SIMC1: variants seen among roughly 807,000 people sequenced by gnomAD.
SIMC1 encodes SUMO-interacting motif-containing protein 1.
SIMC1 carries 55 observed loss-of-function variants against 82.3 expected under a neutral mutation model. The observed-to-expected ratio is 0.67, with a 90% CI of 0.54 to 0.84. The LOEUF is 0.84. Among genes scored for constraint, SIMC1 ranks in the 40% least tolerant of loss-of-function variants. The pLI is 0.00. For synonymous variants in SIMC1, 353 were observed against 426.3 expected, an observed-to-expected ratio of 0.83 and a Z score of 2.12; for missense variants, 915 against 1,107.2, an observed-to-expected ratio of 0.83 and a Z score of 2.46.
chr5:176,337,907 G>T (rs1445747811), intron 9 of SIMC1, among the ~76,000 whole-genome samples: 1 of 152,138 alleles, frequency 6.6e-6, no homozygotes, highest in African/African-American at 2.4e-5. Context: ...ACCCTCAGAA[G>T]GTAAATGTTG....
chr5:176,275,039 G>A (rs1245403278), intron 1 of SIMC1, among the ~76,000 whole-genome samples: 1 of 151,638 alleles, frequency 6.6e-6, no homozygotes, highest in East Asian at 1.9e-4. Flanking sequence ...TGATGGGGAT[G>A]GCATTGAATC....
At chr5:176,272,848 G>GTC (rs1373942915) in intron 1 of SIMC1, among the ~76,000 whole-genome samples, 1 of 152,220 alleles carries the variant, frequency 6.6e-6, no homozygotes, top group African/African-American at 2.4e-5. Context: ...TAGCACAGCA[G>GTC]TCTGAGATTG....
chr5:176,318,347 C>T lies in SIMC1; in HGVS notation c.1890-3926C>T, dbSNP rs1561720361. Among the ~76,000 whole-genome samples, 4 of 152,122 alleles carry T rather than the reference C, an allele frequency of 2.6e-5. No homozygotes were observed. The South Asian group carries it at 8.3e-4, about 32-fold the overall frequency. On this transcript the variant is annotated intron_variant, in intron 5 of 9. Transcript: ENST00000429602. ...GTTCTAGGAATTCAACATGAATTGG[C>T]CTTAGGTTCCCTGCCTCCAGACCCT...
intron 1 of SIMC1, among the ~76,000 whole-genome samples, chr5:176,285,439 A>C (rs1456919297): frequency 1.1e-4 from 16 of 151,950 alleles, no homozygotes; most frequent in East Asian, 9.7e-4. Context: ...ATTCAACAGC[A>C]CTTCATGCTA....
At chr5:176,298,529 G>A (rs1763915838) in intron 4 of SIMC1, among the ~76,000 whole-genome samples, 1 of 152,186 alleles carries the variant, frequency 6.6e-6, no homozygotes, top group Non-Finnish European at 1.5e-5. Flanking sequence ...AGCTACTTGG[G>A]CACAAGAATT....
rs1170716733 is a variant in SIMC1, at chr5:176,289,756, G to A, written c.232G>A (p.Ala78Thr). ...TRAEGENRPI[A>T]TLDLTLEPVT... ...AGCTGAGGGAGAAAATAGACCTATT[G>A]CCACTCTTGACTTAACTTTAGAACC... Residue 78 changes from alanine to threonine, a missense_variant, in exon 2 of 10, where the codon GCC becomes ACC. By Grantham distance (58) the Ala-to-Thr change is moderately conservative. Around this residue, in one of 2 missense-constraint regions of SIMC1, gnomAD observed 902 missense variants for 1,040.3 expected, o/e 0.87. Coordinates refer to ENST00000429602, the MANE Select transcript of SIMC1 (RefSeq NM_001308195.2). The A allele has an allele frequency of 6.2e-7, 1 of 1,613,874 alleles. No individual in the cohort carries two copies. Among genetic ancestry groups the A allele is most frequent in the East Asian group, 2.2e-5 (1 of 44,880 alleles).
intron 5 of SIMC1, among the ~76,000 whole-genome samples, chr5:176,318,174 T>C (rs923496014): frequency 1.3e-5 from 2 of 152,138 alleles, no homozygotes; most frequent in African/African-American, 4.8e-5. Flanking sequence ...CCAGCCTGAT[T>C]GGTTGTGGGA....
At chr5:176,344,345 G>T (rs181532884) in intron 9 of SIMC1, among the ~76,000 whole-genome samples, 1 of 151,920 alleles carries the variant, frequency 6.6e-6, no homozygotes, top group East Asian at 1.9e-4. Flanking sequence ...TTGCTTACTC[G>T]TGATCACACT....
At chr5:176,319,508 G>A (rs900432404) in intron 5 of SIMC1, among the ~76,000 whole-genome samples, 7 of 152,070 alleles carry the variant, frequency 4.6e-5, no homozygotes, top group Admixed American at 2.6e-4. Context: ...CCTGGACAAC[G>A]GAGCAAGCCC....
At chr5:176,245,687 T>C (rs1761412571) in intron 1 of SIMC1, among the ~76,000 whole-genome samples, 1 of 152,208 alleles carries the variant, frequency 6.6e-6, no homozygotes, top group African/African-American at 2.4e-5. Context: ...GAAAGTGATA[T>C]TTATTCAGGA....
intron 7 of SIMC1, among the ~76,000 whole-genome samples, chr5:176,332,707 A>G (rs1206302464): frequency 1.3e-5 from 2 of 152,218 alleles, no homozygotes; most frequent in Non-Finnish European, 2.9e-5. Flanking sequence ...ATTACATATT[A>G]TTGGATAAAA....
chr5:176,246,517 C>A (rs1277969938), intron 1 of SIMC1, among the ~76,000 whole-genome samples: 1 of 151,002 alleles, frequency 6.6e-6, no homozygotes, highest in African/African-American at 2.4e-5. Flanking sequence ...TGGCTCACTG[C>A]AACCTCCACT....
intron 1 of SIMC1, among the ~76,000 whole-genome samples, chr5:176,246,409 T>TGG (rs768108785): frequency 2.5e-3 from 234 of 95,030 alleles, no homozygotes; most frequent in African/African-American, 1.0e-2. Context: ...AGTTCAGGGG[T>TGG]GTGTGTGTGT....
At chr5:176,287,281 A>G (rs922665970) in intron 1 of SIMC1, among the ~76,000 whole-genome samples, 12 of 152,236 alleles carry the variant, frequency 7.9e-5, no homozygotes, top group Admixed American at 7.9e-4. Flanking sequence ...CATATACACC[A>G]TGGAATACTA....
At chr5:176,303,268 TAAAA>T (rs200189307) in intron 4 of SIMC1, among the ~76,000 whole-genome samples, 14 of 126,658 alleles carry the variant, frequency 1.1e-4, no homozygotes, top group Admixed American at 1.8e-4. Context: ...ACTCTGTCTT[TAAAA>T]AAAAAAAAAA....
In SIMC1 at chr5:176,309,446, C is replaced by T. The variant is rs539236419; in HGVS notation, c.1735-4245C>T. Among the ~76,000 whole-genome samples the T allele has an allele frequency of 4.6e-5, 7 of 152,306 alleles. No individual in the cohort carries two copies. In the South Asian group the frequency reaches 1.5e-3, roughly 32 times the overall value. On this transcript the variant is annotated intron_variant, in intron 4 of 9. Transcript: ENST00000429602. ...TTGAAAAAAGCCACAGGAGAAAAAT[C>T]TTCAGGATCTTGGGCTAGGTGACAA...
chr5:176,256,756 A>T (rs1197252762), intron 1 of SIMC1, among the ~76,000 whole-genome samples: 3 of 147,668 alleles, frequency 2.0e-5, no homozygotes, highest in East Asian at 3.9e-4. Context: ...TATTTGTAAC[A>T]TTTTTTTTTT....
chr5:176,327,207 C>A (rs953329567), intron 7 of SIMC1, among the ~76,000 whole-genome samples: 4 of 152,062 alleles, frequency 2.6e-5, no homozygotes, highest in African/African-American at 9.7e-5. Context: ...TTATACAAAA[C>A]CTGGCCCTAC....
At position 176,345,158 on chromosome 5, in the gene SIMC1, CAACT is replaced by C. The variant is rs775400446; in HGVS notation, c.2414-24_2414-21del. 1.9e-6 allele frequency: 3 copies of C among 1,603,926 alleles called. No homozygotes were observed. In the Admixed American group the frequency reaches 5.1e-5, roughly 27 times the overall value. On this transcript the variant is annotated intron_variant, in intron 9 of 9. Transcript: ENST00000429602. ...GAATTAAAAAGCAGTTCAGAGCACC[CAACT>C]GACTTTTTTCCCTCTTGCAGAACAC...
Sources: allele counts gnomAD v4.1 joint callset (sites outside exome capture counted in the v4.1 genomes callset), GRCh38; gene constraint gnomAD v4.1.1; regional missense constraint gnomAD v4.1.1; transcripts MANE v1.5; gene names NCBI Gene and HGNC (gene_info 2026-07-23, HGNC 2026-07-21).